The following DLG2 variants were observed in gnomAD, a reference collection of about 807,000 sequenced individuals.
DLG2 encodes the protein discs large MAGUK scaffold protein 2.
DLG2 carries 45 observed loss-of-function variants against 132.5 expected under a neutral mutation model. The ratio of observed to expected loss-of-function variants is 0.34; its 90% CI spans 0.27 to 0.44. The LOEUF (loss-of-function observed/expected upper bound fraction) is 0.44. Ranked by LOEUF, DLG2 falls within the 20% of genes least tolerant of loss-of-function variation. The pLI is 1.00. For missense variants in DLG2, 1,045 were observed against 1,196.9 expected (o/e 0.87, Z 1.87); for synonymous variants, 424 against 419.6 (o/e 1.01, Z -0.13).
At chr11:84,897,142 AT>A (rs1417642474) in intron 6 of DLG2, among the ~76,000 whole-genome samples, 8 of 24,708 alleles carry the variant, frequency 3.2e-4, no homozygotes, top group African/African-American at 2.2e-3. Flanking sequence ...TACTAGTTAC[AT>A]ATATATATAT....
At chr11:84,970,962 T>C (rs915475887) in intron 6 of DLG2, among the ~76,000 whole-genome samples, 2 of 152,306 alleles carry the variant, frequency 1.3e-5, no homozygotes, top group East Asian at 3.9e-4. Flanking sequence ...ATATCTAAGA[T>C]GCATGAGAAT....
chr11:83,962,844 G>C (rs1244847856), intron 14 of DLG2, 41 bp downstream of exon 14: 2 of 1,604,332 alleles, frequency 1.2e-6, no homozygotes. Context: ...TTTCTTTCTG[G>C]TAATAAGAGC....
chr11:84,353,413 G>A (rs2098593532), intron 7 of DLG2, among the ~76,000 whole-genome samples: 1 of 152,074 alleles, frequency 6.6e-6, no homozygotes, highest in Non-Finnish European at 1.5e-5. Context: ...CTATACATCT[G>A]AAAGTCATTC....
intron 6 of DLG2, among the ~76,000 whole-genome samples, chr11:84,949,841 G>C (rs768545911): frequency 6.6e-6 from 1 of 152,030 alleles, no homozygotes; most frequent in Non-Finnish European, 1.5e-5. Flanking sequence ...CTCCTCAACC[G>C]ACAGGATTAA....
At chr11:85,070,114 G>A (rs2065603135) in intron 6 of DLG2, among the ~76,000 whole-genome samples, 1 of 151,916 alleles carries the variant, frequency 6.6e-6, no homozygotes, top group Non-Finnish European at 1.5e-5. Context: ...GAGAACACAT[G>A]GACACAGGAA....
chr11:84,633,597 C>A (rs952468972), intron 6 of DLG2, among the ~76,000 whole-genome samples: 1 of 150,982 alleles, frequency 6.6e-6, no homozygotes, highest in Admixed American at 6.6e-5. Context: ...CATTTCTCAC[C>A]GTGTATTATG....
intron 6 of DLG2, among the ~76,000 whole-genome samples, chr11:84,576,275 A>G (rs1292299630): frequency 2.0e-5 from 3 of 152,332 alleles, no homozygotes; most frequent in Non-Finnish European, 4.4e-5. Context: ...TGCCTGCCAC[A>G]TAATATGTGT....
intron 4 of DLG2, among the ~76,000 whole-genome samples, chr11:85,224,187 C>G (rs757760118): frequency 5.3e-5 from 8 of 152,064 alleles, no homozygotes; most frequent in Non-Finnish European, 2.9e-5. Context: ...AAAACCTCTC[C>G]CATATGAATT....
chr11:84,777,303 A>T (rs911784796), intron 6 of DLG2, among the ~76,000 whole-genome samples: 1 of 132,358 alleles, frequency 7.6e-6, no homozygotes, highest in African/African-American at 2.8e-5. Flanking sequence ...ATATATATAT[A>T]TATATATATA....
At chr11:85,593,848 C>A (rs2079541125) in intron 3 of DLG2, among the ~76,000 whole-genome samples, 1 of 151,908 alleles carries the variant, frequency 6.6e-6, no homozygotes, top group Admixed American at 6.6e-5. Context: ...ATTTTATAGA[C>A]CTTACCATCA....
At chr11:84,821,995 G>A (rs2153984207) in intron 6 of DLG2, among the ~76,000 whole-genome samples, 1 of 151,892 alleles carries the variant, frequency 6.6e-6, no homozygotes, top group Non-Finnish European at 1.5e-5. Context: ...AAATGCTATT[G>A]TTATTTTTGA....
intron 4 of DLG2, among the ~76,000 whole-genome samples, chr11:85,262,715 T>G (rs1001960013): frequency 1.3e-5 from 2 of 152,140 alleles, no homozygotes; most frequent in Non-Finnish European, 1.5e-5. Context: ...GTACATAAGA[T>G]CTGGAAAAAC....
At chr11:85,275,642 A>G (rs1424796097) in intron 4 of DLG2, among the ~76,000 whole-genome samples, 2 of 152,112 alleles carry the variant, frequency 1.3e-5, no homozygotes, top group East Asian at 1.9e-4. Flanking sequence ...TCAATTTTAA[A>G]TATTCTGCCC....
chr11:84,163,115 C>T (rs188770496), intron 9 of DLG2, among the ~76,000 whole-genome samples: 3 of 152,196 alleles, frequency 2.0e-5, no homozygotes, highest in Admixed American at 2.0e-4. Flanking sequence ...ATCGATATCA[C>T]ACAAATGAAA....
chr11:85,285,137 A>C, intron 4 of DLG2, 83 bp downstream of exon 4: 1 of 1,192,904 alleles, frequency 8.4e-7, no homozygotes. Context: ...ATTTGTTGAT[A>C]ATAATCACCA....
intron 19 of DLG2, among the ~76,000 whole-genome samples, chr11:83,559,481 T>A (rs1729962728): frequency 6.6e-6 from 1 of 152,132 alleles, no homozygotes; most frequent in South Asian, 2.1e-4. Context: ...ATCAAGCAGG[T>A]GGCTGGAAAT....
chr11:83,597,835 G>A (rs2057885285), intron 19 of DLG2, among the ~76,000 whole-genome samples: 2 of 151,770 alleles, frequency 1.3e-5, no homozygotes, highest in South Asian at 4.1e-4. Context: ...ACCAAAACTG[G>A]CTTATAGAAT....
intron 6 of DLG2, among the ~76,000 whole-genome samples, chr11:84,608,468 G>T (rs568203578): frequency 6.6e-6 from 1 of 152,036 alleles, no homozygotes; most frequent in Non-Finnish European, 1.5e-5. Context: ...GCTAAGATTC[G>T]GTGAGAAACA....
chr11:84,754,422 G>C (rs904151802), intron 6 of DLG2, among the ~76,000 whole-genome samples: 1 of 152,028 alleles, frequency 6.6e-6, no homozygotes, highest in African/African-American at 2.4e-5. Context: ...AAATAATCTG[G>C]AAATGTTTGA....
Sources: allele counts gnomAD v4.1 joint callset (sites outside exome capture counted in the v4.1 genomes callset), GRCh38; gene constraint gnomAD v4.1.1; transcripts MANE v1.5; gene names NCBI Gene and HGNC (gene_info 2026-07-23, HGNC 2026-07-21).